The following CNTLN variants were observed in gnomAD, a reference collection of about 807,000 sequenced individuals.
The protein encoded by CNTLN is centlein, also known as centlein, centrosomal protein.
In CNTLN, 212 loss-of-function variants were observed where a neutral mutation model predicts 180.0. The observed-to-expected ratio is 1.18, with a 90% CI of 1.05 to 1.32. The LOEUF (loss-of-function observed/expected upper bound fraction) is 1.32, where lower values mean the gene tolerates loss of function less well. CNTLN is among the 40% of genes most tolerant of loss of function. The pLI is 0.00. For synonymous variants in CNTLN, 722 were observed against 563.1 expected (o/e 1.28, Z -3.99); for missense variants, 2,095 against 1,610.9 (o/e 1.30, Z -5.14).
At chr9:17,157,943 TA>T (rs957662457) in intron 2 of CNTLN, among the ~76,000 whole-genome samples, 1 of 152,146 alleles carries the variant, frequency 6.6e-6, no homozygotes, top group Non-Finnish European at 1.5e-5. Flanking sequence ...ACAAAATCAT[TA>T]AAAAATATTA....
At chr9:17,440,053 C>G (rs1830013234) in intron 18 of CNTLN, among the ~76,000 whole-genome samples, 1 of 152,132 alleles carries the variant, frequency 6.6e-6, no homozygotes, top group South Asian at 2.1e-4. Context: ...AGTAAAAATG[C>G]AGCAGACATG....
intron 5 of CNTLN, among the ~76,000 whole-genome samples, chr9:17,255,353 A>T (rs1331784269): frequency 6.6e-6 from 1 of 151,724 alleles, no homozygotes; most frequent in Non-Finnish European, 1.5e-5. Context: ...ATGTTGAAGT[A>T]GCTTCCTTCT....
intron 8 of CNTLN, among the ~76,000 whole-genome samples, chr9:17,316,413 G>A (rs1464835152): frequency 1.3e-5 from 2 of 151,948 alleles, no homozygotes; most frequent in Admixed American, 6.5e-5. Flanking sequence ...TATAATTTGA[G>A]GGCTTAATGT....
intron 18 of CNTLN, among the ~76,000 whole-genome samples, chr9:17,418,029 A>G (rs765675441): frequency 6.6e-6 from 1 of 152,120 alleles, no homozygotes; most frequent in Admixed American, 6.5e-5. Flanking sequence ...AATTCTAGCT[A>G]TTTCAAATCT....
At chr9:17,306,085 C>G (rs1818683916) in intron 7 of CNTLN, among the ~76,000 whole-genome samples, 1 of 151,546 alleles carries the variant, frequency 6.6e-6, no homozygotes, top group African/African-American at 2.4e-5. Context: ...AATGCAACTG[C>G]TTAAACTGCA....
At chr9:17,232,841 A>T (rs542300495) in intron 3 of CNTLN, among the ~76,000 whole-genome samples, 1 of 152,022 alleles carries the variant, frequency 6.6e-6, no homozygotes, top group Non-Finnish European at 1.5e-5. Flanking sequence ...TTTATTGAGG[A>T]GGTGGAAGTC....
At chr9:17,487,707 T>C (rs568379530) in intron 25 of CNTLN, among the ~76,000 whole-genome samples, 63 of 152,110 alleles carry the variant, frequency 4.1e-4, no homozygotes, top group African/African-American at 1.5e-3. Context: ...CCAAGACGAG[T>C]TGAAATCCCT....
chr9:17,433,116 G>A (rs1180255592), intron 18 of CNTLN, among the ~76,000 whole-genome samples: 1 of 151,202 alleles, frequency 6.6e-6, no homozygotes, highest in African/African-American at 2.4e-5. Context: ...ACTAGAGGAA[G>A]CTATTTGATT....
At position 17,411,785 on chromosome 9, in the gene CNTLN, C is replaced by T. The variant is rs187496599; in HGVS notation, c.2796+2312C>T. 5.1e-4 allele frequency among the ~76,000 whole-genome samples: 78 copies of T among 152,194 alleles called. No homozygotes were observed. The Middle Eastern group carries it at 0.01, about 20-fold the overall frequency. The stretch of plus-strand genomic sequence containing the variant: ...CATCCCGAAACCATCTCCACCTCCC[C>T]GACCCACTCCACCCCCTATCCATGC... On this transcript the variant is annotated intron_variant, in intron 16 of 25. Transcript: ENST00000380647.
rs1368300550 is a variant in CNTLN at position 17,466,110 on chromosome 9, G to A, written c.3661G>A (p.Glu1221Lys). Residue 1221 changes from glutamate to lysine, a missense_variant, in exon 22 of 26, where the codon GAA (glutamate) becomes AAA (lysine). Coordinates refer to ENST00000380647, the MANE Select transcript of CNTLN (RefSeq NM_017738.4). The stretch of plus-strand genomic sequence containing the variant: ...GTATCAGAAATCTAAAGAGGAGTTA[G>A]AAAAAAAGGTATGCTTTTAAAAAGG... ...QMYQKSKEELEKKDLKLTLLV... is the reference protein window; with the variant it reads ...QMYQKSKEELKKKDLKLTLLV... The A allele has an allele frequency of 1.3e-6, 2 of 1,596,342 alleles. No individual in the cohort carries two copies. Among genetic ancestry groups the A allele is most frequent in the Admixed American group, 1.7e-5 (1 of 57,228 alleles).
At chr9:17,313,883 G>A (rs1188465237) in intron 8 of CNTLN, among the ~76,000 whole-genome samples, 1 of 151,884 alleles carries the variant, frequency 6.6e-6, no homozygotes, top group Non-Finnish European at 1.5e-5. Flanking sequence ...TGCAATCTCT[G>A]CCTCCTGGGT....
At chr9:17,219,705 G>A (rs1824005044) in intron 2 of CNTLN, among the ~76,000 whole-genome samples, 1 of 151,900 alleles carries the variant, frequency 6.6e-6, no homozygotes, top group Admixed American at 6.6e-5. Context: ...CATCAGAATC[G>A]CTTGAGATCT....
intron 24 of CNTLN, among the ~76,000 whole-genome samples, chr9:17,485,475 C>CA (rs1832845557): frequency 1.3e-5 from 2 of 152,132 alleles, no homozygotes; most frequent in Non-Finnish European, 2.9e-5. Context: ...GACTTTCTAT[C>CA]AAATTCTAAA....
At chr9:17,303,144 G>A (rs2132846483) in intron 7 of CNTLN, among the ~76,000 whole-genome samples, 1 of 152,266 alleles carries the variant, frequency 6.6e-6, no homozygotes, top group East Asian at 1.9e-4. Context: ...TACCTGTGTA[G>A]AATTCAGATC....
chr9:17,210,772 T>C (rs34607435), intron 2 of CNTLN, among the ~76,000 whole-genome samples: 4,526 of 152,314 alleles, frequency 0.03, 86 homozygotes, highest in South Asian at 0.073. Context: ...TGGTATCTCA[T>C]TGTGGTTTTG....
intron 6 of CNTLN, among the ~76,000 whole-genome samples, chr9:17,296,085 G>T (rs1270175318): frequency 6.6e-6 from 1 of 150,970 alleles, no homozygotes; most frequent in Non-Finnish European, 1.5e-5. Context: ...GGGGTGGTGC[G>T]ATCTCGGCTC....
chr9:17,214,129 G>A (rs1563888412), intron 2 of CNTLN, among the ~76,000 whole-genome samples: 1 of 152,126 alleles, frequency 6.6e-6, no homozygotes, highest in African/African-American at 2.4e-5. Context: ...CTTATTAGTT[G>A]ATGCAGTTTC....
chr9:17,413,473 G>C (rs972854035), intron 16 of CNTLN, among the ~76,000 whole-genome samples: 9 of 152,004 alleles, frequency 5.9e-5, no homozygotes, highest in African/African-American at 2.2e-4. Context: ...AAGAGGAAAA[G>C]ACAAGCCACA....
At chr9:17,297,394 G>A (rs1465911327) in intron 6 of CNTLN, among the ~76,000 whole-genome samples, 1 of 152,068 alleles carries the variant, frequency 6.6e-6, no homozygotes, top group Non-Finnish European at 1.5e-5. Context: ...ATATTTTGAT[G>A]TAATAGTGCT....
Sources: allele counts gnomAD v4.1 joint callset (sites outside exome capture counted in the v4.1 genomes callset), GRCh38; gene constraint gnomAD v4.1.1; transcripts MANE v1.5; gene names NCBI Gene and HGNC (gene_info 2026-07-23, HGNC 2026-07-21).